The following SCP2 variants were observed in gnomAD, a reference collection of about 807,000 sequenced individuals.
SCP2 encodes the protein SCP-2/3-oxoacyl-CoA thiolase.
A neutral mutation model predicts 71.4 loss-of-function variants in SCP2; 48 were observed. That is an observed-to-expected ratio of 0.67 (90% CI 0.53 to 0.86). SCP2 has a LOEUF of 0.86. Ranked by LOEUF, SCP2 falls within the 40% of genes least tolerant of loss-of-function variation. The pLI is 0.00. For synonymous variants in SCP2, 220 were observed against 218.1 expected (o/e 1.01, Z -0.08); for missense variants, 560 against 655.6 (o/e 0.85, Z 1.59).
chr1:52,996,812 A>G (rs1020726062), intron 11 of SCP2, among the ~76,000 whole-genome samples: 6 of 152,256 alleles, frequency 3.9e-5, no homozygotes, highest in African/African-American at 1.4e-4. Flanking sequence ...TATGTGGGAT[A>G]GTATATACTG....
chr1:52,998,949 G>C (rs1660124939), intron 11 of SCP2, among the ~76,000 whole-genome samples: 1 of 152,170 alleles, frequency 6.6e-6, no homozygotes, highest in East Asian at 1.9e-4. Context: ...TTCAAAGAGA[G>C]ACTCGCATTC....
At position 53,028,140 on chromosome 1, in the gene SCP2, G is replaced by A. The variant is rs544209324; in HGVS notation, c.1338+69G>A. The A allele has an allele frequency of 1.8e-5, 15 of 845,926 alleles. No individual in the cohort carries two copies. In the South Asian group the frequency reaches 1.8e-4, roughly 10 times the overall value. The allele number at this position is 845,926 out of a possible 1,614,324, so 52.4% of individuals were successfully genotyped here. A position where few individuals can be genotyped will look rare whatever the true frequency, so the allele number is the denominator to read the frequency against. On this transcript the variant is annotated intron_variant, in intron 13 of 15. Transcript: ENST00000371514. Reference sequence around the variant, plus strand: ...GAGGAAGCAGACACAGGTTTCAGGTGTTGCCACGAGGTGGTACAATTGAAA... The same window carrying A: ...GAGGAAGCAGACACAGGTTTCAGGTATTGCCACGAGGTGGTACAATTGAAA...
In SCP2 at chr1:52,976,787, T is replaced by C; in HGVS notation, c.674+18T>C. The C allele has an allele frequency of 8.3e-7, 1 of 1,198,584 alleles. No individual in the cohort carries two copies. The highest frequency in any genetic ancestry group is 1.2e-6 in the Non-Finnish European group (1 of 801,128). The allele number at this position is 1,198,584 out of a possible 1,614,324, so 74.2% of individuals were successfully genotyped here. A position where few individuals can be genotyped will look rare whatever the true frequency, so the allele number is the denominator to read the frequency against. ...CAATGTTGGTAAGAAAAATATATTT[T>C]AACATTTAATGAGGGAAGTAACTGC... On this transcript the variant is annotated intron_variant, in intron 8 of 15. Coordinates refer to ENST00000371514, the MANE Select transcript of SCP2 (RefSeq NM_002979.5).
intron 11 of SCP2, among the ~76,000 whole-genome samples, chr1:52,990,713 G>C (rs1205683892): frequency 8.9e-6 from 1 of 112,418 alleles, no homozygotes; most frequent in Non-Finnish European, 1.6e-5. Flanking sequence ...CAGCCTGGAC[G>C]ACAGAGTGAG....
intron 14 of SCP2, among the ~76,000 whole-genome samples, chr1:53,041,404 GA>G (rs59762469): frequency 0.13 from 17,529 of 132,850 alleles, 1,809 homozygotes; most frequent in African/African-American, 0.3. Flanking sequence ...TCTGTCTTGA[GA>G]AAAAAAAAAA....
intron 4 of SCP2, among the ~76,000 whole-genome samples, chr1:52,953,716 T>A: frequency 6.6e-6 from 1 of 151,650 alleles, no homozygotes; most frequent in East Asian, 1.9e-4. Context: ...AAACTTTGTT[T>A]GGTGGCTTAT....
At chr1:52,981,078 C>A (rs1658445169) in intron 10 of SCP2, among the ~76,000 whole-genome samples, 1 of 151,984 alleles carries the variant, frequency 6.6e-6, no homozygotes, top group South Asian at 2.1e-4. Flanking sequence ...ATTACAGGCA[C>A]CTGCCAACAC....
At chr1:53,000,871 C>G (rs984114774) in intron 11 of SCP2, among the ~76,000 whole-genome samples, 1 of 152,048 alleles carries the variant, frequency 6.6e-6, no homozygotes, top group African/African-American at 2.4e-5. Context: ...GGGAGGGTAG[C>G]TTGAGCCCAG....
chr1:52,976,412 A>G (rs1185592370), intron 7 of SCP2, among the ~76,000 whole-genome samples: 1 of 152,186 alleles, frequency 6.6e-6, no homozygotes, highest in Non-Finnish European at 1.5e-5. Context: ...TAGCATAACA[A>G]AGACACTTCT....
At chr1:52,935,985 A>G (rs12061980) in intron 1 of SCP2, among the ~76,000 whole-genome samples, 5,209 of 152,194 alleles carry the variant, frequency 0.034, 306 homozygotes, top group African/African-American at 0.12. Flanking sequence ...CCCTTTTCCA[A>G]CTACATGTCT....
intron 5 of SCP2, among the ~76,000 whole-genome samples, chr1:52,955,632 A>G (rs893950063): frequency 6.6e-6 from 1 of 152,224 alleles, no homozygotes; most frequent in South Asian, 2.1e-4. Flanking sequence ...TAAGTCGTCC[A>G]GGAAACCTCA....
chr1:52,967,302 T>G (rs1657056475), intron 6 of SCP2, among the ~76,000 whole-genome samples: 1 of 152,162 alleles, frequency 6.6e-6, no homozygotes, highest in Non-Finnish European at 1.5e-5. Context: ...CTGGGCCTGG[T>G]TCTTTCTTTT....
intron 13 of SCP2, among the ~76,000 whole-genome samples, chr1:53,037,463 C>T (rs367730539): frequency 4.7e-4 from 72 of 151,988 alleles, no homozygotes; most frequent in African/African-American, 1.6e-3. Context: ...TCCTTGGTGC[C>T]TGTAACAATA....
At chr1:52,983,659 G>A (rs948189277) in intron 10 of SCP2, among the ~76,000 whole-genome samples, 24 of 152,032 alleles carry the variant, frequency 1.6e-4, no homozygotes, top group Non-Finnish European at 3.1e-4. Context: ...TTTCCATTTG[G>A]TTCATTTTAT....
intron 13 of SCP2, among the ~76,000 whole-genome samples, chr1:53,037,914 A>ACCCCCC (rs1359430268): frequency 7.9e-6 from 1 of 126,846 alleles, no homozygotes; most frequent in African/African-American, 3.3e-5. Context: ...ACACACACAC[A>ACCCCCC]CACACACACA....
At chr1:53,040,660 G>T (rs1663352734) in intron 14 of SCP2, among the ~76,000 whole-genome samples, 1 of 152,080 alleles carries the variant, frequency 6.6e-6, no homozygotes, top group Admixed American at 6.5e-5. Context: ...GGCGGAGCTT[G>T]CAGTGAGCCA....
chr1:52,992,123 A>G (rs1013598531), intron 11 of SCP2, among the ~76,000 whole-genome samples: 68 of 152,352 alleles, frequency 4.5e-4, no homozygotes, highest in Admixed American at 3.1e-3. Flanking sequence ...GTGACTGGCC[A>G]AAGATGGGTA....
At chr1:52,981,088 C>A (rs770000980) in intron 10 of SCP2, among the ~76,000 whole-genome samples, 1 of 152,116 alleles carries the variant, frequency 6.6e-6, no homozygotes, top group African/African-American at 2.4e-5. Context: ...CCTGCCAACA[C>A]GCCCGGCTAA....
intron 1 of SCP2, among the ~76,000 whole-genome samples, chr1:52,929,305 C>T (rs574614553): frequency 6.6e-6 from 1 of 151,574 alleles, no homozygotes; most frequent in East Asian, 1.9e-4. Flanking sequence ...TCTAGCGATC[C>T]TACCGAGTAG....
Sources: gnomAD v4.1 joint callset for allele counts (sites outside exome capture counted in the v4.1 genomes callset) on GRCh38, gnomAD v4.1.1 for gene constraint, MANE v1.5 for transcripts, NCBI Gene and HGNC (gene_info 2026-07-23, HGNC 2026-07-21) for gene names.